Variants in COLQ observed in about 807,000 individuals in gnomAD.
COLQ encodes the protein collagen like tail subunit of asymmetric acetylcholinesterase.
In COLQ, 48 loss-of-function variants were observed where a neutral mutation model predicts 69.0. The observed-to-expected ratio is 0.70, with a 90% CI of 0.55 to 0.88. The LOEUF (loss-of-function observed/expected upper bound fraction) is 0.88, where lower values mean the gene tolerates loss of function less well. Among genes scored for constraint, COLQ ranks in the 40% least tolerant of loss-of-function variants. The pLI is 0.00. For synonymous variants in COLQ, 217 were observed against 211.2 expected (o/e 1.03, Z -0.24); for missense variants, 618 against 594.6 (o/e 1.04, Z -0.41).
At chr3:15,517,258 A>G (rs961536745) in intron 1 of COLQ, among the ~76,000 whole-genome samples, 6 of 152,352 alleles carry the variant, frequency 3.9e-5, no homozygotes, top group Admixed American at 1.3e-4. Flanking sequence ...GATTTGGTAT[A>G]TACTGGTGAA....
Position 15,451,255 on chromosome 3 carries a change from G to A in COLQ, c.*389C>T, listed in dbSNP as rs1182388921. On this transcript the variant is annotated 3_prime_UTR_variant, in exon 17 of 17. Transcript: ENST00000383788. ...CAGGGGCGGAGAGGCCTGTACTCCAGATTCCCCAAAGAGATCAAAACATTC... is the reference window on the plus strand; with the variant it reads ...CAGGGGCGGAGAGGCCTGTACTCCAAATTCCCCAAAGAGATCAAAACATTC... 4.2e-5 allele frequency: 13 copies of A among 312,734 alleles called. No homozygotes were observed. The Admixed American group carries it at 4.9e-4, about 12-fold the overall frequency. The allele number at this position is 312,734 out of a possible 1,614,324, so 19.4% of individuals were successfully genotyped here.
chr3:15,450,504 T>A lies in COLQ; in HGVS notation c.*1140A>T. The A allele has an allele frequency of 6.5e-6, 1 of 153,648 alleles. No homozygotes were observed. Among genetic ancestry groups the A allele is most frequent in the Non-Finnish European group, 1.5e-5 (1 of 68,040 alleles). 9.5% of individuals were successfully genotyped at this position (153,648 alleles called of 1,614,324 possible). A position where few individuals can be genotyped will look rare whatever the true frequency, so the allele number is the denominator to read the frequency against. On this transcript the variant is annotated 3_prime_UTR_variant, in exon 17 of 17. Coordinates refer to ENST00000383788, the MANE Select transcript of COLQ (RefSeq NM_005677.4). Reference sequence around the variant, plus strand: ...TCACCTTGGAGATGTCTTTCCAGAATAAAACTAAGCCCTACTCAGGAAAAA... The same window carrying A: ...TCACCTTGGAGATGTCTTTCCAGAAAAAAACTAAGCCCTACTCAGGAAAAA...
chr3:15,470,971 A>G (rs1370989762), intron 10 of COLQ, among the ~76,000 whole-genome samples: 1 of 152,210 alleles, frequency 6.6e-6, no homozygotes, highest in African/African-American at 2.4e-5. Flanking sequence ...GCTAATTACT[A>G]CAAGCTGTCT....
At chr3:15,458,454 A>T in intron 12 of COLQ, 129 bp from the exon 13 acceptor site, 1 of 969,152 alleles carries the variant, frequency 1.0e-6, no homozygotes, top group Non-Finnish European at 1.6e-6. Context: ...TGCCTGAGGG[A>T]GAGGTTCAAA....
chr3:15,470,973 A>G (rs563560635), intron 10 of COLQ, among the ~76,000 whole-genome samples: 2 of 152,274 alleles, frequency 1.3e-5, no homozygotes, highest in South Asian at 4.1e-4. Context: ...TAATTACTAC[A>G]AGCTGTCTGG....
intron 1 of COLQ, among the ~76,000 whole-genome samples, chr3:15,493,522 A>G (rs944562715): frequency 6.6e-6 from 1 of 152,190 alleles, no homozygotes; most frequent in East Asian, 1.9e-4. Context: ...CCATCTCTCC[A>G]TGACGGCTGA....
intron 3 of COLQ, among the ~76,000 whole-genome samples, chr3:15,482,831 G>T (rs533457817): frequency 1.3e-5 from 2 of 152,082 alleles, no homozygotes; most frequent in Non-Finnish European, 2.9e-5. Context: ...CTATGAATCC[G>T]TCTGGTCCTG....
intron 1 of COLQ, among the ~76,000 whole-genome samples, chr3:15,496,817 G>C (rs1225285819): frequency 6.6e-6 from 1 of 152,180 alleles, no homozygotes; most frequent in East Asian, 1.9e-4. Context: ...TCTTGAAAAG[G>C]AGACTTTCTC....
chr3:15,478,982 T>A lies in COLQ; in HGVS notation c.388A>T (p.Arg130Trp). The A allele has an allele frequency of 6.2e-7, 1 of 1,614,188 alleles. No homozygotes were observed. Among genetic ancestry groups the A allele is most frequent in the Non-Finnish European group, 8.5e-7 (1 of 1,180,024 alleles). ...GEKGELGRPG[R>W]KGRPGPPGVP... ...CAGAACAGCGCAGACCATACCTTCC[T>A]TCCTGGTCGGCCAAGCTCCCCCTAT... Residue 130 changes from arginine to tryptophan, a missense_variant, in exon 5 of 17, where the codon AGG becomes TGG. Transcript: ENST00000383788.
chr3:15,505,380 A>G (rs1389537175), intron 1 of COLQ, among the ~76,000 whole-genome samples: 5 of 152,254 alleles, frequency 3.3e-5, no homozygotes, highest in South Asian at 2.1e-4. Flanking sequence ...ATTATTTTAT[A>G]TAAGTCATAT....
rs564149248 is a variant in COLQ at position 15,490,153 on chromosome 3, C to T, written c.107-516G>A. On this transcript the variant is annotated intron_variant, in intron 1 of 16. Transcript: ENST00000383788. Reference sequence around the variant, plus strand: ...ACACATTCACGTGTCACTCATTTCACTGGAGAGTTACGGTTTAATGTCTCA... The same window carrying T: ...ACACATTCACGTGTCACTCATTTCATTGGAGAGTTACGGTTTAATGTCTCA... 3.3e-5 allele frequency among the ~76,000 whole-genome samples: 5 copies of T among 152,308 alleles called. No individual in the cohort carries two copies. The South Asian group carries it at 8.3e-4, about 25-fold the overall frequency.
At chr3:15,514,795 G>A (rs1337118034) in intron 1 of COLQ, among the ~76,000 whole-genome samples, 2 of 152,220 alleles carry the variant, frequency 1.3e-5, no homozygotes, top group Non-Finnish European at 2.9e-5. Context: ...AGGTGGATGG[G>A]GGTTAAGAGC....
chr3:15,515,999 A>G (rs1422315223), intron 1 of COLQ, among the ~76,000 whole-genome samples: 3 of 152,100 alleles, frequency 2.0e-5, no homozygotes, highest in African/African-American at 7.2e-5. Flanking sequence ...GGTTGGCCCA[A>G]CTTATCAGAA....
intron 12 of COLQ, among the ~76,000 whole-genome samples, chr3:15,460,617 T>C (rs1404869543): frequency 6.6e-6 from 1 of 152,208 alleles, no homozygotes; most frequent in East Asian, 1.9e-4. Context: ...TGAACTTTCC[T>C]GAGCGAGTTG....
intron 5 of COLQ, chr3:15,478,661 G>T: frequency 2.0e-6 from 1 of 499,358 alleles, no homozygotes; most frequent in Non-Finnish European, 3.6e-6. Context: ...GAGCTATGAA[G>T]GGTTTCTCTG....
At chr3:15,486,927 C>T (rs1456607373) in intron 3 of COLQ, among the ~76,000 whole-genome samples, 1 of 152,234 alleles carries the variant, frequency 6.6e-6, no homozygotes, top group Non-Finnish European at 1.5e-5. Flanking sequence ...AACTACTCAA[C>T]TCTGCCTTTG....
At chr3:15,516,231 A>T (rs931440061) in intron 1 of COLQ, among the ~76,000 whole-genome samples, 1 of 152,238 alleles carries the variant, frequency 6.6e-6, no homozygotes, top group African/African-American at 2.4e-5. Context: ...ATTAAACAAT[A>T]GCTGATCAGC....
At chr3:15,512,660 C>G (rs1357963468) in intron 1 of COLQ, among the ~76,000 whole-genome samples, 1 of 151,580 alleles carries the variant, frequency 6.6e-6, no homozygotes, top group South Asian at 2.1e-4. Context: ...GGAAAAAGAT[C>G]TGACCTCTTG....
At chr3:15,456,270 C>T (rs1384943293) in intron 14 of COLQ, among the ~76,000 whole-genome samples, 190 bp downstream of exon 14, 2 of 152,096 alleles carry the variant, frequency 1.3e-5, no homozygotes, top group Admixed American at 1.3e-4. Flanking sequence ...AGAGGGGCTT[C>T]TATTTGGGAG....
Sources: gnomAD v4.1 joint callset for allele counts (sites outside exome capture counted in the v4.1 genomes callset) on GRCh38, gnomAD v4.1.1 for gene constraint, MANE v1.5 for transcripts, NCBI Gene and HGNC (gene_info 2026-07-23, HGNC 2026-07-21) for gene names.